HHAT: variants seen among roughly 807,000 people sequenced by gnomAD.
The protein encoded by HHAT is hedgehog acyltransferase.
In HHAT, 47 loss-of-function variants were observed where a neutral mutation model predicts 70.8. That is an observed-to-expected ratio of 0.66 (90% confidence interval 0.53 to 0.85). HHAT has a LOEUF of 0.85. Ranked by LOEUF, HHAT falls within the 40% of genes least tolerant of loss-of-function variation. The pLI is 0.00. For synonymous variants in HHAT, 228 were observed against 247.6 expected, an observed-to-expected ratio of 0.92 and a Z score of 0.74; for missense variants, 609 against 604.8, an observed-to-expected ratio of 1.01 and a Z score of -0.07.
chr1:210,608,840 C>T (rs1281395109), intron 10 of HHAT, among the ~76,000 whole-genome samples: 1 of 152,128 alleles, frequency 6.6e-6, no homozygotes, highest in African/African-American at 2.4e-5. Flanking sequence ...GCTGCATCCT[C>T]CAGAGGGGAC....
chr1:210,659,520 A>G (rs1377891460), intron 11 of HHAT, among the ~76,000 whole-genome samples: 3 of 152,226 alleles, frequency 2.0e-5, no homozygotes, highest in Non-Finnish European at 4.4e-5. Flanking sequence ...TCCTTCTGAA[A>G]CTATTCCAAT....
At chr1:210,456,320 C>G (rs1460366637) in intron 7 of HHAT, among the ~76,000 whole-genome samples, 2 of 152,122 alleles carry the variant, frequency 1.3e-5, no homozygotes, top group Non-Finnish European at 2.9e-5. Flanking sequence ...TCTGTCTCCC[C>G]TCTCTCCCTG....
At chr1:210,372,709 A>C (rs2089678101) in intron 3 of HHAT, among the ~76,000 whole-genome samples, 1 of 151,894 alleles carries the variant, frequency 6.6e-6, no homozygotes, top group Admixed American at 6.6e-5. Context: ...ATAGAGCCTT[A>C]TTAAAGCAAA....
chr1:210,523,860 A>G (rs2095201630), intron 9 of HHAT, among the ~76,000 whole-genome samples: 1 of 152,268 alleles, frequency 6.6e-6, no homozygotes, highest in African/African-American at 2.4e-5. Flanking sequence ...TGCCAGGATC[A>G]AAGCAGTAAC....
At chr1:210,620,741 A>G (rs1280802320) in intron 10 of HHAT, among the ~76,000 whole-genome samples, 1 of 152,144 alleles carries the variant, frequency 6.6e-6, no homozygotes, top group African/African-American at 2.4e-5. Flanking sequence ...GTGCTTTAAC[A>G]TTCTTGCTTA....
chr1:210,481,726 T>C (rs1385334849), intron 8 of HHAT, among the ~76,000 whole-genome samples: 2 of 152,200 alleles, frequency 1.3e-5, no homozygotes, highest in Admixed American at 6.5e-5. Context: ...CAAGTATTGA[T>C]TTTAAGGTTA....
chr1:210,365,514 C>T (rs922427806), intron 3 of HHAT, among the ~76,000 whole-genome samples: 3 of 152,010 alleles, frequency 2.0e-5, no homozygotes, highest in African/African-American at 4.8e-5. Flanking sequence ...GATGGGGTTT[C>T]GCCATATTAG....
chr1:210,491,004 G>A (rs373366559), intron 8 of HHAT, among the ~76,000 whole-genome samples: 2 of 152,138 alleles, frequency 1.3e-5, no homozygotes, highest in African/African-American at 4.8e-5. Flanking sequence ...TCTCCATTAT[G>A]CAGCCATCTC....
At chr1:210,546,592 T>C (rs2095485517) in intron 9 of HHAT, among the ~76,000 whole-genome samples, 1 of 152,206 alleles carries the variant, frequency 6.6e-6, no homozygotes, top group Non-Finnish European at 1.5e-5. Flanking sequence ...GACCTTATCC[T>C]GTCTGGCATG....
At chr1:210,519,861 A>G (rs1436752748) in intron 9 of HHAT, among the ~76,000 whole-genome samples, 1 of 138,008 alleles carries the variant, frequency 7.2e-6, no homozygotes, top group Admixed American at 7.6e-5. Context: ...GGTAATAGCT[A>G]TTCCAACTGG....
chr1:210,526,367 G>GTTTTGTTTTGTTTTTTTTTTTTTTTT, intron 9 of HHAT, among the ~76,000 whole-genome samples: 1 of 142,336 alleles, frequency 7.0e-6, no homozygotes, highest in East Asian at 2.3e-4. Context: ...AGTGGGTTCT[G>GTTTTGTTTTGTTTTTTTTTTTTTTTT]TTTTTTTTTT....
chr1:210,617,369 G>A (rs915026215), intron 10 of HHAT, among the ~76,000 whole-genome samples: 4 of 152,226 alleles, frequency 2.6e-5, no homozygotes, highest in African/African-American at 9.7e-5. Context: ...GCAGAGTAGA[G>A]GCACATAATG....
chr1:210,378,373 G>C (rs6540591), intron 3 of HHAT, among the ~76,000 whole-genome samples: 122,198 of 152,166 alleles, frequency 0.8, 49,865 homozygotes, highest in African/African-American at 0.95. Flanking sequence ...AATAGGTACA[G>C]AAACATGTAT....
chr1:210,569,604 C>T lies in HHAT; in HGVS notation c.1044-18294C>T, dbSNP rs117465103. On this transcript the variant is annotated intron_variant, in intron 9 of 11. Transcript: ENST00000261458. Reference sequence around the variant, plus strand: ...CAAGGATAATCTTTTTCCTCTGACACTGACTTTGCAAGAGGTTGTCAGTGA... The same window carrying T: ...CAAGGATAATCTTTTTCCTCTGACATTGACTTTGCAAGAGGTTGTCAGTGA... Among the ~76,000 whole-genome samples, 36 of 152,164 alleles carry T rather than the reference C, an allele frequency of 2.4e-4. No homozygotes were observed. In the East Asian group the frequency reaches 6.6e-3, roughly 28 times the overall value.
intron 10 of HHAT, among the ~76,000 whole-genome samples, chr1:210,609,531 G>A (rs918051335): frequency 3.7e-4 from 57 of 152,064 alleles, no homozygotes; most frequent in African/African-American, 1.4e-3. Flanking sequence ...TTTAAGTTTA[G>A]GGGTACATGT....
chr1:210,373,178 A>G (rs2089729431), intron 3 of HHAT, among the ~76,000 whole-genome samples: 1 of 152,094 alleles, frequency 6.6e-6, no homozygotes, highest in African/African-American at 2.4e-5. Context: ...ACAAACATGG[A>G]AGTGCTGTAA....
chr1:210,533,647 T>C (rs1049308577), intron 9 of HHAT, among the ~76,000 whole-genome samples: 14 of 152,262 alleles, frequency 9.2e-5, no homozygotes, highest in African/African-American at 3.1e-4. Flanking sequence ...TTGTATATGG[T>C]GCACCCACAG....
intron 11 of HHAT, among the ~76,000 whole-genome samples, chr1:210,669,859 A>G (rs12058991): frequency 0.017 from 2,518 of 152,288 alleles, 73 homozygotes; most frequent in African/African-American, 0.058. Context: ...GGGGAGAGAG[A>G]CAGAGACAGA....
intron 8 of HHAT, among the ~76,000 whole-genome samples, chr1:210,482,885 A>T (rs1015060769): frequency 5.3e-5 from 8 of 152,210 alleles, no homozygotes; most frequent in Admixed American, 5.2e-4. Context: ...TAATGTGTTC[A>T]TGACAGTAGC....
Sources: gnomAD v4.1 joint callset for allele counts (sites outside exome capture counted in the v4.1 genomes callset) on GRCh38, gnomAD v4.1.1 for gene constraint, MANE v1.5 for transcripts, NCBI Gene and HGNC (gene_info 2026-07-23, HGNC 2026-07-21) for gene names.